The following STPG2 variants were observed in gnomAD, a reference collection of about 807,000 sequenced individuals.
The protein encoded by STPG2 is sperm tail PG-rich repeat containing 2, also known as sperm-tail PG-rich repeat-containing protein 2.
In STPG2, 56 loss-of-function variants were observed where a neutral mutation model predicts 54.2. The ratio of observed to expected loss-of-function variants is 1.03; its 90% CI spans 0.83 to 1.29. The LOEUF is 1.29. Among genes scored for constraint, STPG2 ranks in the 50% most tolerant of loss-of-function variants. The pLI is 0.00. For missense variants in STPG2, 596 were observed against 544.9 expected (o/e 1.09, Z -0.93); for synonymous variants, 200 against 181.8 (o/e 1.10, Z -0.81).
chr4:97,444,122 A>C (rs1282015524), intron 4 of STPG2, among the ~76,000 whole-genome samples: 1 of 152,224 alleles, frequency 6.6e-6, no homozygotes, highest in Non-Finnish European at 1.5e-5. Flanking sequence ...AAGTTCAAAA[A>C]GAAAAGAGAA....
chr4:97,903,915 G>A (rs556201691), intron 8 of STPG2, among the ~76,000 whole-genome samples: 42 of 152,344 alleles, frequency 2.8e-4, no homozygotes, highest in Admixed American at 1.4e-3. Context: ...GGCGCACCAC[G>A]AGATTATATT....
At chr4:97,562,830 G>A (rs1265731866) in intron 10 of STPG2, among the ~76,000 whole-genome samples, 1 of 151,974 alleles carries the variant, frequency 6.6e-6, no homozygotes, top group Non-Finnish European at 1.5e-5. Flanking sequence ...GATGTGCTGT[G>A]GGATTCGGTT....
chr4:97,570,375 G>T (rs1166502688), intron 10 of STPG2, among the ~76,000 whole-genome samples: 2 of 151,924 alleles, frequency 1.3e-5, no homozygotes, highest in African/African-American at 4.8e-5. Flanking sequence ...TACAACTATG[G>T]GAAGTCAGGA....
chr4:97,642,509 A>C (rs1454515913), intron 10 of STPG2, among the ~76,000 whole-genome samples: 1 of 151,468 alleles, frequency 6.6e-6, no homozygotes, highest in Non-Finnish European at 1.5e-5. Context: ...AAATATTTAC[A>C]TATTATATCA....
At chr4:97,726,109 A>T (rs983052384) in intron 9 of STPG2, among the ~76,000 whole-genome samples, 2 of 151,966 alleles carry the variant, frequency 1.3e-5, no homozygotes, top group African/African-American at 2.4e-5. Context: ...AGAAAAATCA[A>T]TCCAAACAAA....
At chr4:97,841,026 G>A in intron 8 of STPG2, 94 bp from the exon 9 acceptor site, 3 of 1,200,164 alleles carry the variant, frequency 2.5e-6, no homozygotes, top group Admixed American at 5.7e-5. Context: ...GCAATGAATA[G>A]AAAAATCCTA....
intron 5 of STPG2, among the ~76,000 whole-genome samples, chr4:98,052,578 A>G (rs1737356328): frequency 6.6e-6 from 1 of 152,214 alleles, no homozygotes; most frequent in Admixed American, 6.5e-5. Flanking sequence ...AAAGTTCAAT[A>G]ATACATTCTT....
intron 10 of STPG2, among the ~76,000 whole-genome samples, chr4:97,589,282 T>C (rs1448175143): frequency 1.3e-5 from 2 of 152,040 alleles, no homozygotes; most frequent in East Asian, 3.9e-4. Context: ...TATATGTGTG[T>C]TGTTTTTATT....
In STPG2 at chr4:97,825,793, T is replaced by C. The variant is rs1269860980; in HGVS notation, c.1204+14980A>G. ...TTAATAAGAGCTTAAATCAAGTATG[T>C]TATCAGAAAAATAAAAAGTGTAATG... is the stretch of plus-strand genomic sequence containing the variant. On this transcript the variant is annotated intron_variant, in intron 9 of 10. Coordinates refer to ENST00000295268, the MANE Select transcript of STPG2 (RefSeq NM_174952.3). 2.6e-5 allele frequency among the ~76,000 whole-genome samples: 4 copies of C among 152,344 alleles called. No individual in the cohort carries two copies. In the East Asian group the frequency reaches 5.8e-4, roughly 22 times the overall value.
At position 97,669,676 on chromosome 4, in the gene STPG2, G is replaced by C. The variant is rs988271931; in HGVS notation, c.1320+43023C>G. Reference sequence around the variant, plus strand: ...CCGGGCGCGGTGGCGGGCGCCTGTAGTCCCAGCTACTCGGGAGGCTGAGGC... The same window carrying C: ...CCGGGCGCGGTGGCGGGCGCCTGTACTCCCAGCTACTCGGGAGGCTGAGGC... On this transcript the variant is annotated intron_variant, in intron 10 of 10. Transcript: ENST00000295268. Among the ~76,000 whole-genome samples the C allele has an allele frequency of 6.8e-4, 57 of 84,204 alleles. 18 individuals are homozygous for C. Among genetic ancestry groups the C allele is most frequent in the Non-Finnish European group, 1.2e-3 (55 of 44,018 alleles). 55.2% of individuals were successfully genotyped at this position (84,204 alleles called of 152,430 possible). A position where few individuals can be genotyped will look rare whatever the true frequency, so the allele number is the denominator to read the frequency against.
intron 9 of STPG2, among the ~76,000 whole-genome samples, chr4:97,781,870 C>A (rs917602607): frequency 7.2e-5 from 11 of 152,104 alleles, no homozygotes; most frequent in Admixed American, 1.3e-4. Flanking sequence ...AGGCCTTTGA[C>A]AAAATTCAAC....
intron 4 of STPG2, among the ~76,000 whole-genome samples, chr4:97,537,406 A>C (rs774691213): frequency 2.2e-4 from 33 of 152,152 alleles, no homozygotes; most frequent in Non-Finnish European, 4.6e-4. Flanking sequence ...TATCCTGTGC[A>C]AGGCTTGGAG....
chr4:97,784,901 A>G (rs1035635994), intron 9 of STPG2, among the ~76,000 whole-genome samples: 7 of 152,030 alleles, frequency 4.6e-5, no homozygotes, highest in Non-Finnish European at 1.0e-4. Context: ...TGAGAATTAC[A>G]TCTATAATTT....
At chr4:97,526,242 T>C (rs1401953681) in intron 4 of STPG2, among the ~76,000 whole-genome samples, 1 of 152,086 alleles carries the variant, frequency 6.6e-6, no homozygotes, top group Admixed American at 6.6e-5. Context: ...TCTAACACTT[T>C]AGAGTTAGTT....
chr4:97,765,931 A>G (rs912324198), intron 9 of STPG2, among the ~76,000 whole-genome samples: 2 of 152,104 alleles, frequency 1.3e-5, no homozygotes, highest in African/African-American at 4.8e-5. Flanking sequence ...ATTAGACCCA[A>G]TTACTGGAAG....
chr4:97,726,454 T>C (rs1438748321), intron 9 of STPG2, among the ~76,000 whole-genome samples: 1 of 151,896 alleles, frequency 6.6e-6, no homozygotes, highest in Non-Finnish European at 1.5e-5. Flanking sequence ...ACGTGTATTT[T>C]GCTACAGTTT....
intron 4 of STPG2, among the ~76,000 whole-genome samples, chr4:97,532,118 G>A (rs1731428105): frequency 6.6e-6 from 1 of 152,084 alleles, no homozygotes; most frequent in Non-Finnish European, 1.5e-5. Context: ...AATTTTGTAT[G>A]TAATGTTTGA....
intron 8 of STPG2, among the ~76,000 whole-genome samples, chr4:97,849,108 G>A (rs568943794): frequency 6.6e-5 from 10 of 150,830 alleles, no homozygotes; most frequent in Admixed American, 1.3e-4. Flanking sequence ...CCATTTTCAC[G>A]ATATTGATTC....
chr4:97,671,164 T>G (rs1467477988), intron 10 of STPG2, among the ~76,000 whole-genome samples: 1 of 152,210 alleles, frequency 6.6e-6, no homozygotes, highest in East Asian at 1.9e-4. Flanking sequence ...TTTCTAAAAA[T>G]GGACTCAATT....
Sources: allele counts gnomAD v4.1 joint callset (sites outside exome capture counted in the v4.1 genomes callset), GRCh38; gene constraint gnomAD v4.1.1; transcripts MANE v1.5; gene names NCBI Gene and HGNC (gene_info 2026-07-23, HGNC 2026-07-21).